C16orf96: variants seen among roughly 807,000 people sequenced by gnomAD.
The protein encoded by C16orf96 is chromosome 16 open reading frame 96.
Under a neutral mutation model 103.6 loss-of-function variants are expected in C16orf96, and 108 were observed. The ratio of observed to expected loss-of-function variants is 1.04; its 90% confidence interval spans 0.89 to 1.22. The LOEUF is 1.22. Ranked by LOEUF, C16orf96 falls within the 50% of genes most tolerant of loss-of-function variation. The probability of loss-of-function intolerance (pLI) is 0.00; values close to 1 mark genes in which losing one functional copy is unlikely to be tolerated. For synonymous variants in C16orf96, 566 were observed against 593.5 expected (o/e 0.95, Z 0.67); for missense variants, 1,586 against 1,464.2 (o/e 1.08, Z -1.36).
At chr16:4,577,909 A>G (rs2059532732) in intron 5 of C16orf96, among the ~76,000 whole-genome samples, 1 of 152,024 alleles carries the variant, frequency 6.6e-6, no homozygotes, top group South Asian at 2.1e-4. Flanking sequence ...GTGAGCAGAG[A>G]TTGTGCCACT....
rs186552607 is a variant in C16orf96, at chr16:4,589,442, G to A, written c.2592+1111G>A. On this transcript the variant is annotated intron_variant, in intron 9 of 15. Coordinates refer to ENST00000444310, the MANE Select transcript of C16orf96 (RefSeq NM_001145011.2). The stretch of plus-strand genomic sequence containing the variant: ...CCAAAAAAAAAAAAAAGCCAGGTGT[G>A]GTGGCACATACCTGCATTTCCAACT... 4.1e-3 allele frequency among the ~76,000 whole-genome samples: 619 copies of A among 151,714 alleles called. 5 individuals carry two copies. Among genetic ancestry groups the A allele is most frequent in the Non-Finnish European group, 6.0e-3 (406 of 67,906 alleles).
intron 9 of C16orf96, among the ~76,000 whole-genome samples, chr16:4,590,991 C>T (rs945740949): frequency 6.6e-6 from 1 of 151,844 alleles, no homozygotes; most frequent in African/African-American, 2.4e-5. Flanking sequence ...GAGATCACAC[C>T]ACTGTACTCC....
intron 1 of C16orf96, among the ~76,000 whole-genome samples, chr16:4,565,528 G>C (rs2059377971): frequency 6.6e-6 from 1 of 152,184 alleles, no homozygotes; most frequent in African/African-American, 2.4e-5. Flanking sequence ...TGGCTCTGGC[G>C]CCCAGGCTGG....
chr16:4,547,352 A>C, the C16orf96 span, among the ~76,000 whole-genome samples: 144 of 152,228 alleles, frequency 9.5e-4, no homozygotes, highest in African/African-American at 3.4e-3. Flanking sequence ...GGCTAGGCTG[A>C]TCTTGAACTC....
chr16:4,574,635 C>T (rs2059478282), intron 2 of C16orf96, 74 bp from the exon 3 acceptor site: 9 of 1,246,502 alleles, frequency 7.2e-6, no homozygotes, highest in East Asian at 2.5e-5. Context: ...CTCTTAGTCA[C>T]CTAGAGCCAC....
intron 7 of C16orf96, among the ~76,000 whole-genome samples, chr16:4,581,973 C>G (rs1490624786): frequency 6.6e-6 from 1 of 151,446 alleles, no homozygotes; most frequent in Non-Finnish European, 1.5e-5. Context: ...AGCAAAGAAA[C>G]AAGCAAAAAG....
At chr16:4,538,895 G>A in the C16orf96 span, 1 of 152,320 alleles carries the variant, frequency 6.6e-6, no homozygotes, top group African/African-American at 2.4e-5. Context: ...AGGCGATTTG[G>A]CCTAGAGCTG....
intron 1 of C16orf96, among the ~76,000 whole-genome samples, chr16:4,566,052 G>A (rs951956020): frequency 6.6e-5 from 10 of 152,150 alleles, no homozygotes; most frequent in Non-Finnish European, 1.2e-4. Context: ...TGTGTTAACA[G>A]CCCACGCTGG....
Position 4,594,334 on chromosome 16 carries a change from C to T in C16orf96, c.2868-17C>T, listed in dbSNP as rs1327125469. 3 of 1,549,538 alleles carry T rather than the reference C, an allele frequency of 1.9e-6. No individual in the cohort carries two copies. Among genetic ancestry groups the T allele is most frequent in the Non-Finnish European group, 2.6e-6 (3 of 1,145,908 alleles). On this transcript the variant is annotated splice_polypyrimidine_tract_variant and intron_variant, in intron 12 of 15. Coordinates refer to ENST00000444310, the MANE Select transcript of C16orf96 (RefSeq NM_001145011.2). ...ACAGGGTCTCCAGGTCGCTGCTGACCCACTGCCCTGCTGCAGGGAACAGCA... is the reference window on the plus strand; with the variant it reads ...ACAGGGTCTCCAGGTCGCTGCTGACTCACTGCCCTGCTGCAGGGAACAGCA...
rs567083104 is a variant in C16orf96 at position 4,582,052 on chromosome 16, C to T, written c.2352+1927C>T. Among the ~76,000 whole-genome samples the T allele has an allele frequency of 2.6e-5, 4 of 152,242 alleles. No homozygotes were observed. In the East Asian group the frequency reaches 7.7e-4, roughly 29 times the overall value. On this transcript the variant is annotated intron_variant, in intron 7 of 15. Coordinates refer to ENST00000444310, the MANE Select transcript of C16orf96 (RefSeq NM_001145011.2). ...ATCCCAGCACTTTGGGAGGCTGAGG[C>T]AGGCGGATCACCTGAGGTCAGGAGT...
rs73515060 is a variant in C16orf96 at position 4,593,467 on chromosome 16, G to T, written c.2867+151G>T. Reference sequence around the variant, plus strand: ...CAGCCCTTCGCAAGACAGGCACTCCGAGAGGTGGCTGGGGCGGCAGACAGG... The same window carrying T: ...CAGCCCTTCGCAAGACAGGCACTCCTAGAGGTGGCTGGGGCGGCAGACAGG... On this transcript the variant is annotated intron_variant, in intron 12 of 15. Coordinates refer to ENST00000444310, the MANE Select transcript of C16orf96 (RefSeq NM_001145011.2). This position sits in a 1 kb window ranked among gnomAD's most constrained non-coding sequence, Gnocchi z 4.2. 6.6e-6 allele frequency among the ~76,000 whole-genome samples: 1 copy of T among 151,630 alleles called. No individual in the cohort carries two copies. The highest frequency in any genetic ancestry group is 2.1e-4 in the South Asian group (1 of 4,784).
chr16:4,600,616 G>A lies in C16orf96; in HGVS notation c.*299G>A. On this transcript the variant is annotated 3_prime_UTR_variant, in exon 16 of 16. Coordinates refer to ENST00000444310, the MANE Select transcript of C16orf96 (RefSeq NM_001145011.2). ...TGAGCCTGGCCCAGAAAGGGTGCTGGGGCCCTGGATAGAGGGGAGGGGTCT... is the reference window on the plus strand; with the variant it reads ...TGAGCCTGGCCCAGAAAGGGTGCTGAGGCCCTGGATAGAGGGGAGGGGTCT... 1 of 438,798 alleles carries A rather than the reference G, an allele frequency of 2.3e-6. No individual in the cohort carries two copies. The highest frequency in any genetic ancestry group is 2.2e-5 in the South Asian group (1 of 46,048). 27.2% of individuals were successfully genotyped at this position (438,798 alleles called of 1,614,324 possible).
Position 4,576,343 on chromosome 16 carries a change from A to C in C16orf96, c.1863A>C (p.Ala621=), listed in dbSNP as rs1000151492. ...TAAAGPLGVF[A]DVLGAGPSRG... Reference sequence around the variant, plus strand: ...CAGCTGGGCCCCTAGGGGTCTTTGCAGATGTCCTGGGTGCAGGGCCTTCCC... The same window carrying C: ...CAGCTGGGCCCCTAGGGGTCTTTGCCGATGTCCTGGGTGCAGGGCCTTCCC... The change falls in exon 5 of 16, where the codon GCA becomes GCC. Residue 621 remains alanine (A), a synonymous_variant. Coordinates refer to ENST00000444310, the MANE Select transcript of C16orf96 (RefSeq NM_001145011.2). The C allele has an allele frequency of 5.2e-6, 8 of 1,550,692 alleles. No individual in the cohort carries two copies. Among genetic ancestry groups the C allele is most frequent in the African/African-American group, 4.1e-5 (3 of 73,056 alleles).
the C16orf96 span, among the ~76,000 whole-genome samples, chr16:4,550,781 G>A: frequency 6.6e-6 from 1 of 152,224 alleles, no homozygotes; most frequent in African/African-American, 2.4e-5. Flanking sequence ...TGGCATGGGT[G>A]TGAGTCAGCA....
At chr16:4,555,329 T>TGG (rs71139640), upstream of C16orf96, among the ~76,000 whole-genome samples, 19 of 150,666 alleles carry the variant, frequency 1.3e-4, no homozygotes, top group African/African-American at 3.7e-4. Context: ...TGGAACACTG[T>TGG]GGGGGGCCTT....
chr16:4,553,439 G>A (rs760677389), upstream of C16orf96, among the ~76,000 whole-genome samples: 33 of 152,244 alleles, frequency 2.2e-4, no homozygotes, highest in Admixed American at 5.9e-4. Context: ...GTGCAGGGGT[G>A]TGATTCTGGC....
chr16:4,544,806 ACCT>A, the C16orf96 span, among the ~76,000 whole-genome samples: 1 of 152,044 alleles, frequency 6.6e-6, no homozygotes, highest in Admixed American at 6.6e-5. Flanking sequence ...CAGCTCCCTC[ACCT>A]CCAAAAATGA....
At chr16:4,578,204 G>A (rs928235750) in intron 5 of C16orf96, among the ~76,000 whole-genome samples, 7 of 152,234 alleles carry the variant, frequency 4.6e-5, no homozygotes, top group South Asian at 2.1e-4. Context: ...GTGCAATGGC[G>A]TGATCACAGC....
upstream of C16orf96, among the ~76,000 whole-genome samples, chr16:4,555,231 C>T (rs1167302441): frequency 6.6e-6 from 1 of 151,226 alleles, no homozygotes; most frequent in Non-Finnish European, 1.5e-5. Context: ...CCACTGCACT[C>T]CTGCCTGGGT....
Sources: allele counts gnomAD v4.1 joint callset (sites outside exome capture counted in the v4.1 genomes callset), GRCh38; gene constraint gnomAD v4.1.1; non-coding constraint Gnocchi (gnomAD v3.1); transcripts MANE v1.5; gene names NCBI Gene and HGNC (gene_info 2026-07-23, HGNC 2026-07-21).